The following OGA variants were observed in gnomAD, a reference collection of about 807,000 sequenced individuals.
OGA encodes the protein O-GlcNAcase, also known as protein O-GlcNAcase.
A neutral mutation model predicts 102.0 loss-of-function variants in OGA; 21 were observed. The observed-to-expected ratio is 0.21, with a 90% CI of 0.15 to 0.30. OGA has a LOEUF of 0.30. OGA is among the 10% of genes least tolerant of loss of function. The pLI, the probability that OGA is intolerant of heterozygous loss-of-function variation, is 1.00. For missense variants in OGA, 765 were observed against 1,107.8 expected (o/e 0.69, Z 4.39); for synonymous variants, 408 against 378.2 (o/e 1.08, Z -0.91).
Position 101,792,904 on chromosome 10 carries a change from GAAAA to G in OGA, c.2106_2109del (p.Phe703SerfsTer5). On this transcript the variant is annotated frameshift_variant, in exon 12 of 16. Coordinates refer to ENST00000361464, the MANE Select transcript of OGA (RefSeq NM_012215.5). LOFTEE classifies it high-confidence loss of function. ...GAGGTAGGAGTCAGTGGAGGTGGCT[GAAAA>G]AAGAGATCATTTGCCCCATCAATTG... 1 of 1,613,796 alleles carries G rather than the reference GAAAA, an allele frequency of 6.2e-7. No individual in the cohort carries two copies. The highest frequency in any genetic ancestry group is 8.5e-7 in the Non-Finnish European group (1 of 1,179,728).
chr10:101,802,726 C>A lies in OGA; in HGVS notation c.1036+1009G>T, dbSNP rs571555123. On this transcript the variant is annotated intron_variant, in intron 7 of 15. Transcript: ENST00000361464. The stretch of plus-strand genomic sequence containing the variant: ...TGCCCCCTCAGTGCCCATGAACATG[C>A]ATCTGCCCCATGACAGATTATTTAA... 1.6e-4 allele frequency among the ~76,000 whole-genome samples: 24 copies of A among 151,860 alleles called. No homozygotes were observed. The South Asian group carries it at 5.0e-3, about 32-fold the overall frequency.
chr10:101,800,271 T>A lies in OGA; in HGVS notation c.1166A>T (p.Gln389Leu), dbSNP rs1161373003. Residue 389 changes from glutamine (Q) to leucine (L), a missense_variant, in exon 8 of 16, where the codon CAA (glutamine) becomes CTA (leucine). By Grantham distance (113) the Gln-to-Leu change is moderately radical. Transcript: ENST00000361464. Reference sequence around the variant, plus strand: ...GTATTGATGAGGCACACCAAACTCTTGCAACCATTCTGTTAATGCTAGCTT... The same window carrying A: ...GTATTGATGAGGCACACCAAACTCTAGCAACCATTCTGTTAATGCTAGCTT... ...ALKLALTEWL[Q>L]EFGVPHQYSS... 1.9e-6 allele frequency: 3 copies of A among 1,614,184 alleles called. No individual in the cohort carries two copies. The highest frequency in any genetic ancestry group is 2.5e-6 in the Non-Finnish European group (3 of 1,180,002).
Position 101,791,387 on chromosome 10 carries a change from G to T in OGA, c.2228C>A (p.Pro743His). Residue 743 changes from proline to histidine, a missense_variant, in exon 13 of 16, where the codon CCC (proline) becomes CAC (histidine). Coordinates refer to ENST00000361464, the MANE Select transcript of OGA (RefSeq NM_012215.5). Reference sequence around the variant, plus strand: ...AATAAGATCAGGCTGACTTTGAAAGGGTAAACCCACTCCATCGTCATACAT... The same window carrying T: ...AATAAGATCAGGCTGACTTTGAAAGTGTAAACCCACTCCATCGTCATACAT... ...REMYDDGVGL[P>H]FQSQPDLIGD... 1 of 1,613,988 alleles carries T rather than the reference G, an allele frequency of 6.2e-7. No individual in the cohort carries two copies. The highest frequency in any genetic ancestry group is 8.5e-7 in the Non-Finnish European group (1 of 1,179,950).
intron 3 of OGA, chr10:101,812,763 C>A: frequency 1.8e-6 from 1 of 542,344 alleles, no homozygotes; most frequent in Non-Finnish European, 3.5e-6. Flanking sequence ...ACTGTTTAAT[C>A]CACTGGCAGA....
chr10:101,810,684 T>A (rs1342259277), intron 3 of OGA, among the ~76,000 whole-genome samples: 1 of 152,244 alleles, frequency 6.6e-6, no homozygotes, highest in African/African-American at 2.4e-5. Context: ...TCAATTCTCT[T>A]ACTGAACTTA....
Position 101,797,983 on chromosome 10 carries a change from A to G in OGA, c.1981T>C (p.Leu661=), listed in dbSNP as rs1047465136. 2 of 1,611,966 alleles carry G rather than the reference A, an allele frequency of 1.2e-6. No homozygotes were observed. The highest frequency in any genetic ancestry group is 1.7e-6 in the Non-Finnish European group (2 of 1,178,880). The change falls in exon 10 of 16, where the codon TTA becomes CTA. Residue 661 remains leucine, a synonymous_variant. Transcript: ENST00000361464. ...MSMVKSFVQW[L]GCRSHSSAQF... Reference sequence around the variant, plus strand: ...AGATTATTCCTGGTGCACCTACCTAACCACTGTACAAAAGACTTCACCATA... The same window carrying G: ...AGATTATTCCTGGTGCACCTACCTAGCCACTGTACAAAAGACTTCACCATA...
intron 6 of OGA, 68 bp downstream of exon 6, chr10:101,805,977 C>A: frequency 9.2e-7 from 1 of 1,086,746 alleles, no homozygotes; most frequent in Non-Finnish European, 1.4e-6. Flanking sequence ...ATTCAATTAA[C>A]AAGAACAAGC....
rs766548049 is a variant in OGA, at chr10:101,786,558, G to T, written c.2644C>A (p.Pro882Thr). 6.2e-7 allele frequency: 1 copy of T among 1,608,180 alleles called. No homozygotes were observed. Among genetic ancestry groups the T allele is most frequent in the Non-Finnish European group, 8.5e-7 (1 of 1,177,734 alleles). ...AATTCCAGAATTCTTTTATCATCTGGTCTCACTTCACAGAAAGCTCCCCGG... is the reference window on the plus strand; with the variant it reads ...AATTCCAGAATTCTTTTATCATCTGTTCTCACTTCACAGAAAGCTCCCCGG... Reference protein sequence around the residue: ...GSRGAFCEVRPDDKRILEFYS... With the variant: ...GSRGAFCEVRTDDKRILEFYS... The change falls in exon 16 of 16, where the codon CCA becomes ACA. Residue 882 changes from proline to threonine, a missense_variant. Coordinates refer to ENST00000361464, the MANE Select transcript of OGA (RefSeq NM_012215.5).
intron 1 of OGA, among the ~76,000 whole-genome samples, chr10:101,816,781 T>G (rs2065632084): frequency 6.6e-6 from 1 of 152,090 alleles, no homozygotes; most frequent in Admixed American, 6.6e-5. Flanking sequence ...CCACCACCCA[T>G]TTTTCGAAAG....
At chr10:101,792,969 G>C in intron 11 of OGA, 26 bp from the exon 12 acceptor site, 1 of 1,576,928 alleles carries the variant, frequency 6.3e-7, no homozygotes, top group South Asian at 1.1e-5. Flanking sequence ...AAAGGAGATG[G>C]ATTAGTTTGG....
chr10:101,786,715 T>C, intron 15 of OGA, 128 bp from the exon 16 acceptor site: 1 of 774,206 alleles, frequency 1.3e-6, no homozygotes, highest in Non-Finnish European at 1.8e-6. Context: ...CTCCTACATT[T>C]CACACAATTA....
intron 1 of OGA, among the ~76,000 whole-genome samples, chr10:101,814,154 C>T (rs1388616490): frequency 6.6e-6 from 1 of 152,016 alleles, no homozygotes. Context: ...CATGGTGAAA[C>T]CATGTCTCTA....
rs1430450898 is a variant in OGA at position 101,791,010 on chromosome 10, G to A, written c.2340C>T (p.Ala780=). ...AGGGGGTCACATCTACAGTGCCCAA[G>A]GCATAACCACATATGCCATCTTCAT... ...LEDEDGICGY[A]LGTVDVTPFI... is the part of the protein sequence containing the mutation. Residue 780 remains alanine, a synonymous_variant, in exon 14 of 16, where the codon GCC becomes GCT. Transcript: ENST00000361464. 2 of 1,613,934 alleles carry A rather than the reference G, an allele frequency of 1.2e-6. No homozygotes were observed. Among genetic ancestry groups the A allele is most frequent in the South Asian group, 1.1e-5 (1 of 91,052 alleles).
rs1047325578 is a variant in OGA at position 101,798,408 on chromosome 10, CTTTTTTTTTT to C, written c.1810-264_1810-255del. Among the ~76,000 whole-genome samples, 3 of 133,020 alleles carry C rather than the reference CTTTTTTTTTT, an allele frequency of 2.3e-5. No homozygotes were observed. In the Admixed American group the frequency reaches 2.3e-4, roughly 10 times the overall value. 87.3% of individuals were successfully genotyped at this position (133,020 alleles called of 152,430 possible). ...GTCCACATCCACTGTAAAGAACATA[CTTTTTTTTTT>C]TTTTTTTTTTTGAGACAGTTTCCCT... On this transcript the variant is annotated intron_variant, in intron 9 of 15. Transcript: ENST00000361464.
intron 14 of OGA, among the ~76,000 whole-genome samples, chr10:101,788,493 T>C (rs2065218553): frequency 6.6e-6 from 1 of 150,656 alleles, no homozygotes; most frequent in Non-Finnish European, 1.5e-5. Context: ...TCCCAGAACT[T>C]TGGGAGGCCG....
rs997361916 is a variant in OGA, at chr10:101,818,102, G to A, written c.-80C>T. 2.8e-6 allele frequency: 4 copies of A among 1,436,026 alleles called. No homozygotes were observed. The Admixed American group carries it at 8.4e-5, about 30-fold the overall frequency. 89.0% of individuals were successfully genotyped at this position (1,436,026 alleles called of 1,614,324 possible). A position where few individuals can be genotyped will look rare whatever the true frequency, so the allele number is the denominator to read the frequency against. On this transcript the variant is annotated 5_prime_UTR_variant, in exon 1 of 16. Transcript: ENST00000361464. ...TGGGGCACCGGCCCGGAGCCCTGGA[G>A]AGGGCTTCAGCTCCAAGTGTGCGCC...
rs1490417254 is a variant in OGA, at chr10:101,794,032, G to A, written c.1985-34C>T. ...ATCAGATCCAAGCGGAGAACGTTAC[G>A]AGAAAGGGGATTTCCTGGGGTCTCA... On this transcript the variant is annotated intron_variant, in intron 10 of 15. Coordinates refer to ENST00000361464, the MANE Select transcript of OGA (RefSeq NM_012215.5). 4 of 1,497,654 alleles carry A rather than the reference G, an allele frequency of 2.7e-6. No individual in the cohort carries two copies. In the East Asian group the frequency reaches 6.8e-5, roughly 26 times the overall value. 92.8% of individuals were successfully genotyped at this position (1,497,654 alleles called of 1,614,324 possible).
At chr10:101,796,038 A>C (rs1159371745) in intron 10 of OGA, 1 of 361,108 alleles carries the variant, frequency 2.8e-6, no homozygotes, top group Non-Finnish European at 3.9e-6. Context: ...CTTAAATTAA[A>C]AACTGAATAT....
At position 101,785,192 on chromosome 10, in the gene OGA, C is replaced by A. The variant is rs146352034; in HGVS notation, c.*1259G>T. The A allele has an allele frequency of 6.6e-6, 1 of 152,114 alleles. No homozygotes were observed. Among genetic ancestry groups the A allele is most frequent in the East Asian group, 1.9e-4 (1 of 5,202 alleles). 9.4% of individuals were successfully genotyped at this position (152,114 alleles called of 1,614,324 possible). A position where few individuals can be genotyped will look rare whatever the true frequency, so the allele number is the denominator to read the frequency against. ...GCCATGATGAAAAAATGAGTCCTGC[C>A]GACTATCTGCCAGCTTCATGCTCAG... On this transcript the variant is annotated 3_prime_UTR_variant, in exon 16 of 16. Transcript: ENST00000361464.
Sources: allele counts gnomAD v4.1 joint callset (sites outside exome capture counted in the v4.1 genomes callset), GRCh38; gene constraint gnomAD v4.1.1; transcripts MANE v1.5; gene names NCBI Gene and HGNC (gene_info 2026-07-23, HGNC 2026-07-21).